TUBGCP5: variants seen among roughly 807,000 people sequenced by gnomAD.
TUBGCP5 encodes tubulin gamma complex component 5, also known as gamma-tubulin complex component 5.
In TUBGCP5, 98 loss-of-function variants were observed where a neutral mutation model predicts 134.7. The ratio of observed to expected loss-of-function variants is 0.73; its 90% CI spans 0.62 to 0.86. The LOEUF (loss-of-function observed/expected upper bound fraction) is 0.86, where lower values mean the gene tolerates loss of function less well. Among genes scored for constraint, TUBGCP5 ranks in the 40% least tolerant of loss-of-function variants. TUBGCP5 has a pLI of 0.00. For synonymous variants in TUBGCP5, 456 were observed against 431.4 expected, an observed-to-expected ratio of 1.06 and a Z score of -0.71; for missense variants, 1,150 against 1,244.8, an observed-to-expected ratio of 0.92 and a Z score of 1.15.
intron 1 of TUBGCP5, among the ~76,000 whole-genome samples, chr15:23,038,086 A>G (rs906012023): frequency 6.6e-6 from 1 of 152,244 alleles, no homozygotes; most frequent in Non-Finnish European, 1.5e-5. Context: ...GAATGTAAAC[A>G]TGAACTATTC....
chr15:23,009,689 T>C (rs2064925433), intron 15 of TUBGCP5, among the ~76,000 whole-genome samples: 1 of 152,202 alleles, frequency 6.6e-6, no homozygotes, highest in African/African-American at 2.4e-5. Context: ...GTGTTTTTCA[T>C]TCTGATAACA....
chr15:23,034,952 C>CA lies in TUBGCP5; in HGVS notation c.309+1944dup, dbSNP rs975747169. Among the ~76,000 whole-genome samples the CA allele has an allele frequency of 1.1e-4, 16 of 150,102 alleles. 1 individual carries two copies. Among genetic ancestry groups the CA allele is most frequent in the East Asian group, 5.8e-4 (3 of 5,148 alleles). On this transcript the variant is annotated intron_variant, in intron 3 of 22. Coordinates refer to ENST00000615383, the MANE Select transcript of TUBGCP5 (RefSeq NM_052903.6). ...AATAAATCTCTAGACATACTAACCACAAAAAAAAAGAGAGTATACATACAT... is the reference window on the plus strand; with the variant it reads ...AATAAATCTCTAGACATACTAACCACAAAAAAAAAAGAGAGTATACATACAT...
At chr15:23,020,385 C>T (rs188373611) in intron 11 of TUBGCP5, among the ~76,000 whole-genome samples, 3 of 147,868 alleles carry the variant, frequency 2.0e-5, no homozygotes, top group South Asian at 2.2e-4. Flanking sequence ...CCAGCCTGGG[C>T]GACAGGGCGA....
Position 23,024,212 on chromosome 15 carries a change from G to T in TUBGCP5, c.922-19C>A. The T allele has an allele frequency of 6.2e-7, 1 of 1,604,960 alleles. No homozygotes were observed. Among genetic ancestry groups the T allele is most frequent in the African/African-American group, 1.3e-5 (1 of 74,834 alleles). The stretch of plus-strand genomic sequence containing the variant: ...AACAGCTCTACAACACAAGCAAACT[G>T]CAATTATTCAAAGGTGGTCTTCTGT... On this transcript the variant is annotated intron_variant, in intron 9 of 22. Coordinates refer to ENST00000615383, the MANE Select transcript of TUBGCP5 (RefSeq NM_052903.6).
chr15:23,009,852 T>C (rs2064933012), intron 15 of TUBGCP5, 93 bp downstream of exon 15: 1 of 1,161,648 alleles, frequency 8.6e-7, no homozygotes, highest in Admixed American at 2.6e-5. Context: ...TTTCCTACTC[T>C]AATAAAAATT....
intron 4 of TUBGCP5, 43 bp downstream of exon 4, chr15:23,032,685 T>C: frequency 1.5e-6 from 2 of 1,368,470 alleles, no homozygotes; most frequent in Non-Finnish European, 2.0e-6. Flanking sequence ...AATCAAACAA[T>C]TTCTCTTTTA....
intron 23 of TUBGCP5, among the ~76,000 whole-genome samples, chr15:22,990,380 C>T (rs1377601127): frequency 1.3e-5 from 2 of 152,180 alleles, no homozygotes; most frequent in African/African-American, 4.8e-5. Context: ...TCTGGGGAAC[C>T]CAGGCCAAGG....
rs2064671181 is a variant in TUBGCP5 at position 23,005,762 on chromosome 15, G to C, written c.2534-152C>G. On this transcript the variant is annotated intron_variant, in intron 18 of 22. Coordinates refer to ENST00000615383, the MANE Select transcript of TUBGCP5 (RefSeq NM_052903.6). ...CAGGAACCGAACCTCAGTGCCTCTG[G>C]AAGGTGCAGTGGGAAAAGTTTCCTG... The C allele has an allele frequency of 4.9e-6, 4 of 821,288 alleles. No homozygotes were observed. The East Asian group carries it at 1.1e-4, about 22-fold the overall frequency. The allele number at this position is 821,288 out of a possible 1,614,324, so 50.9% of individuals were successfully genotyped here.
chr15:23,038,484 C>T (rs2066724178), intron 1 of TUBGCP5, among the ~76,000 whole-genome samples: 1 of 150,904 alleles, frequency 6.6e-6, no homozygotes, highest in Admixed American at 6.6e-5. Context: ...ATAAGTTACA[C>T]TTAAGAATTC....
In TUBGCP5 at chr15:22,985,592, A is replaced by C. The variant is rs543965233; in HGVS notation, c.*62-1981T>G. Among the ~76,000 whole-genome samples the C allele has an allele frequency of 5.3e-5, 8 of 152,326 alleles. No homozygotes were observed. The South Asian group carries it at 1.7e-3, about 32-fold the overall frequency. On this transcript the variant is annotated intron_variant and NMD_transcript_variant, in intron 23 of 23. Transcript: ENST00000614508. The stretch of plus-strand genomic sequence containing the variant: ...ACAACCCAAAGTGCACAAATAGGAG[A>C]ATGGATAAACAAATACTGTTCATAT...
At chr15:23,027,107 G>C (rs1273076261) in intron 7 of TUBGCP5, 85 bp downstream of exon 7, 1 of 1,009,924 alleles carries the variant, frequency 9.9e-7, no homozygotes, top group African/African-American at 1.7e-5. Context: ...TTTCAGGGAA[G>C]AACTTAAGTC....
chr15:23,030,600 T>TAAAAA (rs1567162272), intron 6 of TUBGCP5, among the ~76,000 whole-genome samples: 10,777 of 118,134 alleles, frequency 0.091, 705 homozygotes, highest in East Asian at 0.42. Context: ...CCTTCTCCAA[T>TAAAAA]TAAAAAAAAA....
downstream of TUBGCP5, among the ~76,000 whole-genome samples, chr15:22,998,419 AG>A (rs1567091310): frequency 6.6e-6 from 1 of 152,236 alleles, no homozygotes; most frequent in Non-Finnish European, 1.5e-5. Flanking sequence ...TTTTCCATGT[AG>A]AACTTCTCAG....
intron 3 of TUBGCP5, among the ~76,000 whole-genome samples, chr15:23,036,071 C>T (rs1388753786): frequency 6.6e-6 from 1 of 152,172 alleles, no homozygotes; most frequent in African/African-American, 2.4e-5. Flanking sequence ...TGTGTCACAG[C>T]AGAGCTAGGG....
chr15:23,026,239 G>C (rs374232681), intron 7 of TUBGCP5, 34 bp from the exon 8 acceptor site: 1 of 1,570,326 alleles, frequency 6.4e-7, no homozygotes. Context: ...TCAATAGAAA[G>C]GTTTCTAAGT....
intron 21 of TUBGCP5, 102 bp from the exon 22 acceptor site, chr15:23,000,771 A>T (rs1004405885): frequency 1.7e-4 from 145 of 838,924 alleles, no homozygotes; most frequent in Non-Finnish European, 2.4e-4. Flanking sequence ...TGGTTTAATT[A>T]TTTAAAATCC....
chr15:23,029,893 T>C (rs990474660), intron 6 of TUBGCP5, among the ~76,000 whole-genome samples: 41 of 140,338 alleles, frequency 2.9e-4, no homozygotes, highest in African/African-American at 1.1e-3. Flanking sequence ...AAAAAGGGGG[T>C]GGGGGGGAAG....
At chr15:22,988,464 T>G (rs956632358) in intron 23 of TUBGCP5, among the ~76,000 whole-genome samples, 2 of 151,752 alleles carry the variant, frequency 1.3e-5, no homozygotes, top group South Asian at 2.1e-4. Context: ...CCGGTTGCGG[T>G]GGCTGAAGCC....
intron 19 of TUBGCP5, 109 bp from the exon 20 acceptor site, chr15:23,004,336 C>T: frequency 7.8e-7 from 1 of 1,277,866 alleles, no homozygotes; most frequent in Non-Finnish European, 1.1e-6. Flanking sequence ...ATTCTTCCTT[C>T]AATAAGCACA....
Sources: gnomAD v4.1 joint callset for allele counts (sites outside exome capture counted in the v4.1 genomes callset) on GRCh38, gnomAD v4.1.1 for gene constraint, MANE v1.5 for transcripts, NCBI Gene and HGNC (gene_info 2026-07-23, HGNC 2026-07-21) for gene names.